Variants in SHROOM1 observed in about 807,000 individuals in gnomAD.
The protein encoded by SHROOM1 is shroom family member 1.
Under a neutral mutation model 64.2 loss-of-function variants are expected in SHROOM1, and 53 were observed. The ratio of observed to expected loss-of-function variants is 0.83; its 90% CI spans 0.66 to 1.04. The LOEUF (loss-of-function observed/expected upper bound fraction) is 1.04. SHROOM1 is among the 50% of genes least tolerant of loss of function. SHROOM1 has a pLI of 0.00. For synonymous variants in SHROOM1, 490 were observed against 518.9 expected (o/e 0.94, Z 0.76); for missense variants, 1,179 against 1,163.2 (o/e 1.01, Z -0.20).
At position 132,826,112 on chromosome 5, in the gene SHROOM1, C is replaced by T. The variant is rs757116504; in HGVS notation, c.29G>A (p.Arg10His). 31 of 1,394,728 alleles carry T rather than the reference C, an allele frequency of 2.2e-5. No homozygotes were observed. The highest frequency in any genetic ancestry group is 2.6e-5 in the Non-Finnish European group (28 of 1,074,110). 86.4% of individuals were successfully genotyped at this position (1,394,728 alleles called of 1,614,324 possible). A position where few individuals can be genotyped will look rare whatever the true frequency, so the allele number is the denominator to read the frequency against. ...GCTAGTGGACGAGGCCGGGGAGGCG[C>T]GGTCGCCCCCAGGTCCCAGGGCCTC... MEALGPGGD[R>H]ASPASSTSSL... Residue 10 changes from arginine to histidine, a missense_variant, in exon 4 of 10, where the codon CGC becomes CAC. Transcript: ENST00000378679.
In SHROOM1 at chr5:132,826,328, G is replaced by A; in HGVS notation, c.-94C>T. On this transcript the variant is annotated 5_prime_UTR_variant, in exon 3 of 10. Coordinates refer to ENST00000378679, the MANE Select transcript of SHROOM1 (RefSeq NM_001172700.2). ...CAAGCGCTGGCATCCCCCAGATTTT[G>A]GCAGAGTCACCTTGGGATCAGAGGT... The A allele has an allele frequency of 8.1e-7, 1 of 1,232,084 alleles. No individual in the cohort carries two copies. Among genetic ancestry groups the A allele is most frequent in the Non-Finnish European group, 1.0e-6 (1 of 985,740 alleles). The allele number at this position is 1,232,084 out of a possible 1,614,324, so 76.3% of individuals were successfully genotyped here.
intron 1 of SHROOM1, among the ~76,000 whole-genome samples, chr5:132,829,339 C>G (rs1758786948): frequency 6.6e-6 from 1 of 152,152 alleles, no homozygotes. Flanking sequence ...GTCAAGGGGG[C>G]CAGTGCTCCT....
chr5:132,830,266 C>T lies in SHROOM1; in HGVS notation c.-501+328G>A, dbSNP rs1758806578. 1.0e-6 allele frequency: 1 copy of T among 985,168 alleles called. No homozygotes were observed. Among genetic ancestry groups the T allele is most frequent in the South Asian group, 4.7e-5 (1 of 21,280 alleles). The allele number at this position is 985,168 out of a possible 1,614,324, so 61.0% of individuals were successfully genotyped here. ...GATGCTTGGCGACAAAGGGCAGGAG[C>T]GGAGGGTGGCGGAGTGAGACCGCGC... On this transcript the variant is annotated intron_variant, in intron 1 of 9. Transcript: ENST00000378679. The surrounding 1 kb of genome is among the most constrained non-coding windows in gnomAD (Gnocchi z 5.9).
chr5:132,822,529 A>C lies in SHROOM1; in HGVS notation c.*267T>G. 2.0e-5 allele frequency: 6 copies of C among 307,106 alleles called. No homozygotes were observed. The highest frequency in any genetic ancestry group is 1.5e-4 in the East Asian group (2 of 13,708). 19.0% of individuals were successfully genotyped at this position (307,106 alleles called of 1,614,324 possible). On this transcript the variant is annotated 3_prime_UTR_variant, in exon 10 of 10. Transcript: ENST00000378679. The stretch of plus-strand genomic sequence containing the variant: ...CAGGCACCCGCCACCACGCCCGGCT[A>C]ATTTTTTATATTTTTAGTAGAGACG...
At position 132,824,797 on chromosome 5, in the gene SHROOM1, C is replaced by A; in HGVS notation, c.1059G>T (p.Ala353=). 6.2e-7 allele frequency: 1 copy of A among 1,614,056 alleles called. No individual in the cohort carries two copies. Among genetic ancestry groups the A allele is most frequent in the Non-Finnish European group, 8.5e-7 (1 of 1,180,014 alleles). Reference sequence around the variant, plus strand: ...GGGGTAACTCTGCAGGATACATCACCGCAGCCTCTTTCTGAGGCAAGAACC... The same window carrying A: ...GGGGTAACTCTGCAGGATACATCACAGCAGCCTCTTTCTGAGGCAAGAACC... ...LSRFLPQKEA[A]VMYPAELPQS... Residue 353 remains alanine (A), a synonymous_variant, in exon 6 of 10, where the codon GCG becomes GCT. Transcript: ENST00000378679.
Position 132,825,452 on chromosome 5 carries a change from T to C in SHROOM1, c.689A>G (p.Asp230Gly), listed in dbSNP as rs749293834. 6.3e-7 allele frequency: 1 copy of C among 1,580,704 alleles called. No homozygotes were observed. Among genetic ancestry groups the C allele is most frequent in the Non-Finnish European group, 8.6e-7 (1 of 1,168,604 alleles). The change falls in exon 4 of 10, where the codon GAT (aspartate) becomes GGT (glycine). Residue 230 changes from aspartate to glycine, a missense_variant. Asp to Gly is a moderately conservative substitution (Grantham distance 94, BLOSUM62 -1). Coordinates refer to ENST00000378679, the MANE Select transcript of SHROOM1 (RefSeq NM_001172700.2). The surrounding 1 kb of genome is among the most constrained non-coding windows in gnomAD (Gnocchi z 5.1). The part of the protein sequence containing the change: ...KWCFSEPGKL[D>G]RVGRGGGPAR... ...CGGCCCACCGCCCCGACCCACACGATCCAGCTTTCCTGGCTCTGAGAAGCA... is the reference window on the plus strand; with the variant it reads ...CGGCCCACCGCCCCGACCCACACGACCCAGCTTTCCTGGCTCTGAGAAGCA...
chr5:132,828,751 C>T (rs1758770425), intron 1 of SHROOM1, among the ~76,000 whole-genome samples: 1 of 152,012 alleles, frequency 6.6e-6, no homozygotes, highest in Non-Finnish European at 1.5e-5. Flanking sequence ...TGTGTCTACA[C>T]ATGTGTTTCC....
rs781673268 is a variant in SHROOM1, at chr5:132,823,366, G to A, written c.2110C>T (p.Arg704Trp). Residue 704 changes from arginine to tryptophan, a missense_variant, in exon 9 of 10, where the codon CGG becomes TGG. Transcript: ENST00000378679. This position sits in a 1 kb window ranked among gnomAD's most constrained non-coding sequence, Gnocchi z 4.6. ...ACGCGCTCTAGGTCGGCCATGAACC[G>A]GCTGAACCGCTCCAGCTCCTGAGGG... ...CAPQELERFS[R>W]FMADLERVLG... is the part of the protein sequence containing the mutation. 5 of 1,608,362 alleles carry A rather than the reference G, an allele frequency of 3.1e-6. No individual in the cohort carries two copies. In the East Asian group the frequency reaches 6.7e-5, roughly 22 times the overall value.
rs997548000 is a variant in SHROOM1 at position 132,823,290 on chromosome 5, G to A, written c.2186C>T (p.Ala729Val). Residue 729 changes from alanine to valine, a missense_variant, in exon 9 of 10, where the codon GCC (alanine) becomes GTC (valine). By Grantham distance (64) the Ala-to-Val change is moderately conservative. Transcript: ENST00000378679. The surrounding 1 kb of genome is among the most constrained non-coding windows in gnomAD (Gnocchi z 4.6). Reference sequence around the variant, plus strand: ...GCTGTCTGAGGCCGCCCGGGCCAGGGCGCGGCGCACGCGCGCCAGGCGACT... The same window carrying A: ...GCTGTCTGAGGCCGCCCGGGCCAGGACGCGGCGCACGCGCGCCAGGCGACT... ...LGSRLARVRR[A>V]LARAASDSDP... 3.7e-6 allele frequency: 6 copies of A among 1,600,912 alleles called. No homozygotes were observed. Among genetic ancestry groups the A allele is most frequent in the Non-Finnish European group, 5.1e-6 (6 of 1,178,792 alleles).
At position 132,823,737 on chromosome 5, in the gene SHROOM1, G is replaced by T; in HGVS notation, c.1839C>A (p.Leu613=). The change falls in exon 8 of 10, where the codon CTC becomes CTA. Residue 613 remains leucine (L), a synonymous_variant. Transcript: ENST00000378679. This position sits in a 1 kb window ranked among gnomAD's most constrained non-coding sequence, Gnocchi z 4.6. ...PGSYQFSFTQ[L]LPAPREETRL... ...TTGTCTCCTCCCGAGGAGCCGGCAG[G>T]AGCTGGGTGAAGCTGAACTGATAGG... 2 of 1,603,902 alleles carry T rather than the reference G, an allele frequency of 1.2e-6. No homozygotes were observed. Among genetic ancestry groups the T allele is most frequent in the Non-Finnish European group, 1.7e-6 (2 of 1,175,308 alleles).
In SHROOM1 at chr5:132,823,161, G is replaced by A. The variant is rs949078715; in HGVS notation, c.2227-33C>T. 2.6e-6 allele frequency: 4 copies of A among 1,544,360 alleles called. No homozygotes were observed. Among genetic ancestry groups the A allele is most frequent in the Non-Finnish European group, 3.5e-6 (4 of 1,154,426 alleles). On this transcript the variant is annotated intron_variant, in intron 9 of 9. Coordinates refer to ENST00000378679, the MANE Select transcript of SHROOM1 (RefSeq NM_001172700.2). The surrounding 1 kb of genome is among the most constrained non-coding windows in gnomAD (Gnocchi z 4.6). ...CGCAGGAAGAGGCGCCGTGAGCCGG[G>A]TGAGGGCGCCGCCGCTCCCGGAATG...
chr5:132,825,728 C>G lies in SHROOM1; in HGVS notation c.413G>C (p.Arg138Thr). The G allele has an allele frequency of 1.6e-6, 2 of 1,285,476 alleles. No homozygotes were observed. Among genetic ancestry groups the G allele is most frequent in the Non-Finnish European group, 2.0e-6 (2 of 1,021,670 alleles). 79.6% of individuals were successfully genotyped at this position (1,285,476 alleles called of 1,614,324 possible). ...AAEPPSPPAS[R>T]AAYRQRLQGA... ...CTGAAGCCGCTGGCGGTAGGCGGCC[C>G]TCGAGGCCGGCGGGCTGGGCGGCTC... is the stretch of plus-strand genomic sequence containing the variant. The change falls in exon 4 of 10, where the codon AGG becomes ACG. Residue 138 changes from arginine (R) to threonine (T), a missense_variant. By Grantham distance (71) the Arg-to-Thr change is moderately conservative. Coordinates refer to ENST00000378679, the MANE Select transcript of SHROOM1 (RefSeq NM_001172700.2). The surrounding 1 kb of genome is among the most constrained non-coding windows in gnomAD (Gnocchi z 5.1).
In SHROOM1 at chr5:132,823,312, G is replaced by A; in HGVS notation, c.2164C>T (p.Arg722Cys). ...AGGGCGCGGCGCACGCGCGCCAGGCGACTGCCCAGCAGCAGCAGAAGGCCA... is the reference window on the plus strand; with the variant it reads ...AGGGCGCGGCGCACGCGCGCCAGGCAACTGCCCAGCAGCAGCAGAAGGCCA... ...VLGLLLLLGS[R>C]LARVRRALAR... is the part of the protein sequence containing the mutation. Residue 722 changes from arginine to cysteine, a missense_variant, in exon 9 of 10, where the codon CGC becomes TGC. Transcript: ENST00000378679. The surrounding 1 kb of genome is among the most constrained non-coding windows in gnomAD (Gnocchi z 4.6). The A allele has an allele frequency of 1.2e-6, 2 of 1,603,212 alleles. No individual in the cohort carries two copies. The highest frequency in any genetic ancestry group is 8.5e-7 in the Non-Finnish European group (1 of 1,179,272).
chr5:132,823,354 C>T lies in SHROOM1; in HGVS notation c.2122G>A (p.Asp708Asn), dbSNP rs754533323. 2.5e-6 allele frequency: 4 copies of T among 1,607,402 alleles called. No individual in the cohort carries two copies. In the South Asian group the frequency reaches 4.4e-5, roughly 18 times the overall value. ...ELERFSRFMADLERVLGLLLL... is the reference protein window; with the variant it reads ...ELERFSRFMANLERVLGLLLL... ...AGAAGGCCAAGCACGCGCTCTAGGT[C>T]GGCCATGAACCGGCTGAACCGCTCC... The change falls in exon 9 of 10, where the codon GAC becomes AAC. Residue 708 changes from aspartate (D) to asparagine (N), a missense_variant. Coordinates refer to ENST00000378679, the MANE Select transcript of SHROOM1 (RefSeq NM_001172700.2). The surrounding 1 kb of genome is among the most constrained non-coding windows in gnomAD (Gnocchi z 4.6).
chr5:132,830,342 C>T lies in SHROOM1; in HGVS notation c.-501+252G>A, dbSNP rs970873005. 3 of 985,002 alleles carry T rather than the reference C, an allele frequency of 3.0e-6. No homozygotes were observed. The highest frequency in any genetic ancestry group is 3.6e-6 in the Non-Finnish European group (3 of 829,808). The allele number at this position is 985,002 out of a possible 1,614,324, so 61.0% of individuals were successfully genotyped here. A position where few individuals can be genotyped will look rare whatever the true frequency, so the allele number is the denominator to read the frequency against. On this transcript the variant is annotated intron_variant, in intron 1 of 9. Coordinates refer to ENST00000378679, the MANE Select transcript of SHROOM1 (RefSeq NM_001172700.2). This position sits in a 1 kb window ranked among gnomAD's most constrained non-coding sequence, Gnocchi z 5.9. ...GCCCAGCCGCGCCCCTGAGCCGCGC[C>T]GCCAGCTTAGAGTGGGCCGCCTCTC...
chr5:132,822,816 A>G lies in SHROOM1; in HGVS notation c.2539T>C (p.Phe847Leu). The change falls in exon 10 of 10, where the codon TTC (phenylalanine) becomes CTC (leucine). Residue 847 changes from phenylalanine (F) to leucine (L), a missense_variant. Phe to Leu is a conservative substitution (Grantham distance 22). Transcript: ENST00000378679. ...PGTCPPVQPPFPLLLT is the reference protein window; with the variant it reads ...PGTCPPVQPPLPLLLT ...TATAACTATGTAAGGAGAAGAGGGA[A>G]GGGCGGCTGAACTGGAGGACAGGTC... 3 of 1,608,844 alleles carry G rather than the reference A, an allele frequency of 1.9e-6. No homozygotes were observed. Among genetic ancestry groups the G allele is most frequent in the East Asian group, 2.2e-5 (1 of 44,716 alleles).
At chr5:132,826,722 G>A (rs1418583193) in intron 2 of SHROOM1, 135 bp from the exon 3 acceptor site, 1 of 152,302 alleles carries the variant, frequency 6.6e-6, no homozygotes, top group African/African-American at 2.4e-5. Context: ...TATGTTCCAG[G>A]TGCTTTATAT....
Position 132,824,115 on chromosome 5 carries a change from G to T in SHROOM1, c.1546C>A (p.Pro516Thr). 1 of 1,614,148 alleles carries T rather than the reference G, an allele frequency of 6.2e-7. No homozygotes were observed. The highest frequency in any genetic ancestry group is 8.5e-7 in the Non-Finnish European group (1 of 1,180,030). ...DALGLSGNDTPGPSHNTALAR... is the reference protein window; with the variant it reads ...DALGLSGNDTTGPSHNTALAR... ...AGGGCAGTATTGTGAGAGGGACCTGGAGTATCATTGCCTGAAAGTCCCAAG... is the reference window on the plus strand; with the variant it reads ...AGGGCAGTATTGTGAGAGGGACCTGTAGTATCATTGCCTGAAAGTCCCAAG... Residue 516 changes from proline to threonine, a missense_variant, in exon 7 of 10, where the codon CCA becomes ACA. Coordinates refer to ENST00000378679, the MANE Select transcript of SHROOM1 (RefSeq NM_001172700.2).
chr5:132,822,960 C>A lies in SHROOM1; in HGVS notation c.2395G>T (p.Val799Phe), dbSNP rs1385620180. The A allele has an allele frequency of 1.2e-6, 2 of 1,610,826 alleles. No homozygotes were observed. Among genetic ancestry groups the A allele is most frequent in the African/African-American group, 2.7e-5 (2 of 74,934 alleles). Residue 799 changes from valine (V) to phenylalanine (F), a missense_variant, in exon 10 of 10, where the codon GTC becomes TTC. By Grantham distance (50) the Val-to-Phe change is conservative. Transcript: ENST00000378679. ...YCALLAGKAA[V>F]LAQQRNLDER... ...TCCAGGTTGCGCTGCTGGGCCAGGA[C>A]GGCGGCCTTGCCCGCCAGCAGGGCG...
Sources: gnomAD v4.1 joint callset for allele counts (sites outside exome capture counted in the v4.1 genomes callset) on GRCh38, gnomAD v4.1.1 for gene constraint, Gnocchi (gnomAD v3.1) non-coding constraint, MANE v1.5 for transcripts, NCBI Gene and HGNC (gene_info 2026-07-23, HGNC 2026-07-21) for gene names.